Variants in KYNU observed in about 807,000 individuals in gnomAD.
KYNU encodes the protein L-kynurenine hydrolase.
In KYNU, 54 loss-of-function variants were observed where a neutral mutation model predicts 59.2. The observed-to-expected ratio is 0.91, with a 90% CI of 0.73 to 1.14. The LOEUF is 1.14. Among genes scored for constraint, KYNU ranks in the 50% most tolerant of loss-of-function variants. The pLI is 0.00. For missense variants in KYNU, 567 were observed against 554.4 expected, an observed-to-expected ratio of 1.02 and a Z score of -0.23; for synonymous variants, 177 against 192.0, an observed-to-expected ratio of 0.92 and a Z score of 0.65.
Position 143,045,421 on chromosome 2 carries a change from G to A in KYNU, c.*3249G>A, listed in dbSNP as rs529775856. 6.6e-6 allele frequency: 1 copy of A among 152,200 alleles called. No individual in the cohort carries two copies. Among genetic ancestry groups the A allele is most frequent in the African/African-American group, 2.4e-5 (1 of 41,540 alleles). The allele number at this position is 152,200 out of a possible 1,614,324, so 9.4% of individuals were successfully genotyped here. A position where few individuals can be genotyped will look rare whatever the true frequency, so the allele number is the denominator to read the frequency against. On this transcript the variant is annotated 3_prime_UTR_variant, in exon 14 of 14. Coordinates refer to ENST00000264170, the MANE Select transcript of KYNU (RefSeq NM_003937.3). ...GCATTGAATCTATAAATTACTCTCA[G>A]CAATATGGCCATTTTCAGGATATTG...
At chr2:142,914,324 T>C (rs1682602668) in intron 2 of KYNU, among the ~76,000 whole-genome samples, 1 of 152,226 alleles carries the variant, frequency 6.6e-6, no homozygotes, top group South Asian at 2.1e-4. Flanking sequence ...TCCTCTTGCT[T>C]TCTTGTTGAA....
At chr2:142,892,686 G>A (rs1425544900) in intron 2 of KYNU, among the ~76,000 whole-genome samples, 1 of 152,190 alleles carries the variant, frequency 6.6e-6, no homozygotes, top group Non-Finnish European at 1.5e-5. Flanking sequence ...TGATTTAGTA[G>A]TAGGAGAGGC....
chr2:142,983,425 C>A (rs1475970209), intron 8 of KYNU, among the ~76,000 whole-genome samples: 2 of 152,028 alleles, frequency 1.3e-5, no homozygotes, highest in Non-Finnish European at 2.9e-5. Flanking sequence ...ACACCTTACC[C>A]ACAGTGGAGG....
chr2:142,967,642 C>T (rs991020821), intron 8 of KYNU: 1 of 151,964 alleles, frequency 6.6e-6, no homozygotes, highest in Non-Finnish European at 1.5e-5. Flanking sequence ...TATGAATATC[C>T]ACCTCAGTGA....
chr2:142,988,834 A>G (rs761829099), intron 10 of KYNU: 1 of 1,590,924 alleles, frequency 6.3e-7, no homozygotes, highest in Non-Finnish European at 8.6e-7. Context: ...ATTGTACTTC[A>G]TTTGCATTAG....
At chr2:142,983,261 T>G (rs1043124686) in intron 8 of KYNU, among the ~76,000 whole-genome samples, 1 of 152,016 alleles carries the variant, frequency 6.6e-6, no homozygotes, top group Non-Finnish European at 1.5e-5. Flanking sequence ...GGGCCAGCAG[T>G]TTGGCCCAAG....
chr2:142,885,665 CAGA>C (rs777468965), intron 2 of KYNU, 129 bp downstream of exon 2: 16 of 869,628 alleles, frequency 1.8e-5, no homozygotes, highest in Non-Finnish European at 2.5e-5. Context: ...GTTTGAAAAG[CAGA>C]AGATCCCTGG....
chr2:142,945,129 A>G (rs900536370), intron 4 of KYNU, among the ~76,000 whole-genome samples: 1 of 152,160 alleles, frequency 6.6e-6, no homozygotes, highest in African/African-American at 2.4e-5. Flanking sequence ...GGCTGTGGCA[A>G]TTTCTTAAAA....
At chr2:142,947,014 TG>T in intron 4 of KYNU, 1 of 1,537,220 alleles carries the variant, frequency 6.5e-7, no homozygotes, top group Non-Finnish European at 8.8e-7. Flanking sequence ...AGTAATTTCA[TG>T]GTACCCTTTT....
chr2:142,941,593 C>T (rs1471736143), intron 4 of KYNU, among the ~76,000 whole-genome samples: 1 of 152,142 alleles, frequency 6.6e-6, no homozygotes, highest in East Asian at 1.9e-4. Context: ...GAAGTCTTTT[C>T]AGTGGTCTGG....
chr2:142,977,372 G>GAGATATATATATATATATATATATAT lies in KYNU; in HGVS notation c.730-7711_730-7710insGATATATATATATATATATATATATA, dbSNP rs1553484697. 2.8e-4 allele frequency among the ~76,000 whole-genome samples: 37 copies of GAGATATATATATATATATATATATAT among 131,208 alleles called. 1 individual carries two copies. Among genetic ancestry groups the GAGATATATATATATATATATATATAT allele is most frequent in the African/African-American group, 7.2e-4 (25 of 34,618 alleles). 86.1% of individuals were successfully genotyped at this position (131,208 alleles called of 152,430 possible). A position where few individuals can be genotyped will look rare whatever the true frequency, so the allele number is the denominator to read the frequency against. The stretch of plus-strand genomic sequence containing the variant: ...AGCTTCCTGGATGGAATTTTGTGTG[G>GAGATATATATATATATATATATATAT]ATATATATATATATGAATAATCATA... On this transcript the variant is annotated intron_variant, in intron 8 of 13. Coordinates refer to ENST00000264170, the MANE Select transcript of KYNU (RefSeq NM_003937.3).
chr2:142,985,060 G>A, intron 8 of KYNU, 24 bp from the exon 9 acceptor site: 2 of 1,340,380 alleles, frequency 1.5e-6, no homozygotes, highest in Non-Finnish European at 2.1e-6. Context: ...CAAACTTAAA[G>A]CTTATTATTG....
At position 143,054,366 on chromosome 2, in the gene KYNU, A is replaced by G. The variant is rs925802805; in HGVS notation, c.*12194A>G. 6.6e-6 allele frequency: 1 copy of G among 152,168 alleles called. No homozygotes were observed. Among genetic ancestry groups the G allele is most frequent in the Non-Finnish European group, 1.5e-5 (1 of 68,028 alleles). 9.4% of individuals were successfully genotyped at this position (152,168 alleles called of 1,614,324 possible). A position where few individuals can be genotyped will look rare whatever the true frequency, so the allele number is the denominator to read the frequency against. On this transcript the variant is annotated 3_prime_UTR_variant, in exon 14 of 14. Transcript: ENST00000264170. ...CATATTATAAATACTCTACTTTGGA[A>G]AATTATTCTTTATAGGAAATTACAG...
intron 8 of KYNU, among the ~76,000 whole-genome samples, chr2:142,968,312 C>T (rs1228914335): frequency 6.6e-6 from 1 of 152,042 alleles, no homozygotes; most frequent in Non-Finnish European, 1.5e-5. Flanking sequence ...AGGTAAAATC[C>T]CTTCTAGAAA....
intron 1 of KYNU, among the ~76,000 whole-genome samples, chr2:142,880,213 G>A (rs559930202): frequency 6.6e-6 from 1 of 152,324 alleles, no homozygotes. Context: ...CAGTAGGGTA[G>A]AACAGCAACT....
chr2:142,970,023 A>G (rs1684668666), intron 8 of KYNU, among the ~76,000 whole-genome samples: 1 of 152,196 alleles, frequency 6.6e-6, no homozygotes, highest in Non-Finnish European at 1.5e-5. Context: ...ACCCTCCATA[A>G]AAGTGGAAAA....
At chr2:142,975,753 A>C (rs189275796) in intron 8 of KYNU, among the ~76,000 whole-genome samples, 136 of 152,286 alleles carry the variant, frequency 8.9e-4, no homozygotes, top group Non-Finnish European at 1.1e-3. Flanking sequence ...TTGATAAATA[A>C]ATGAATATAT....
chr2:142,942,376 A>G (rs964854662), intron 4 of KYNU, among the ~76,000 whole-genome samples: 1 of 152,146 alleles, frequency 6.6e-6, no homozygotes, highest in African/African-American at 2.4e-5. Flanking sequence ...ATCTGCATTT[A>G]TTGTGTTGCT....
intron 1 of KYNU, among the ~76,000 whole-genome samples, chr2:142,884,688 C>CTTTTTTTTTTTTTTTT (rs70997529): frequency 6.4e-4 from 49 of 77,058 alleles, no homozygotes; most frequent in Non-Finnish European, 9.4e-4. Flanking sequence ...TTCTCTTTTC[C>CTTTTTTTTTTTTTTTT]TTTTTTTTTT....
Sources: allele counts gnomAD v4.1 joint callset (sites outside exome capture counted in the v4.1 genomes callset), GRCh38; gene constraint gnomAD v4.1.1; transcripts MANE v1.5; gene names NCBI Gene and HGNC (gene_info 2026-07-23, HGNC 2026-07-21).